Variants in GPT2 observed in about 807,000 individuals in gnomAD.
GPT2 encodes glutamic--pyruvic transaminase 2, also known as alanine aminotransferase 2.
Under a neutral mutation model 56.9 loss-of-function variants are expected in GPT2, and 30 were observed. The observed-to-expected ratio is 0.53, with a 90% CI of 0.39 to 0.72. The LOEUF (loss-of-function observed/expected upper bound fraction) is 0.72, where lower values mean the gene tolerates loss of function less well. Ranked by LOEUF, GPT2 falls within the 30% of genes least tolerant of loss-of-function variation. The pLI is 0.00. For synonymous variants in GPT2, 271 were observed against 283.1 expected (o/e 0.96, Z 0.43); for missense variants, 542 against 703.4 (o/e 0.77, Z 2.60).
chr16:46,884,967 G>T lies in GPT2; in HGVS notation c.243+9G>T. 6.7e-7 allele frequency: 1 copy of T among 1,484,058 alleles called. No homozygotes were observed. The allele number at this position is 1,484,058 out of a possible 1,614,324, so 91.9% of individuals were successfully genotyped here. A position where few individuals can be genotyped will look rare whatever the true frequency, so the allele number is the denominator to read the frequency against. On this transcript the variant is annotated intron_variant, in intron 2 of 11. Transcript: ENST00000340124. ...AGCTCGAGCTGCAGCGGGTGAGCGC[G>T]CGCTGGGCCCCGGGGAGGCTGGGGC...
At chr16:46,911,494 G>C (rs187693049) in intron 6 of GPT2, among the ~76,000 whole-genome samples, 18 of 152,276 alleles carry the variant, frequency 1.2e-4, no homozygotes, top group Non-Finnish European at 2.2e-4. Flanking sequence ...GGAGTGTGGG[G>C]GATAAAGATT....
chr16:46,916,345 C>G (rs1961162230), intron 6 of GPT2: 1 of 245,544 alleles, frequency 4.1e-6, no homozygotes, highest in Non-Finnish European at 8.0e-6. Context: ...GACTCCGTCT[C>G]AAAAAAATTA....
At position 46,929,166 on chromosome 16, in the gene GPT2, C is replaced by T. The variant is rs778036607; in HGVS notation, c.*169C>T. ...TTTCTTTGTGCCTTGATGTTGAGAG[C>T]GCCTCTCTTTTGAGCAAACAAGCAT... On this transcript the variant is annotated 3_prime_UTR_variant, in exon 12 of 12. Transcript: ENST00000340124. 2.8e-4 allele frequency: 173 copies of T among 613,058 alleles called. No individual in the cohort carries two copies. The highest frequency in any genetic ancestry group is 4.0e-4 in the Non-Finnish European group (136 of 341,374). The allele number at this position is 613,058 out of a possible 1,614,324, so 38.0% of individuals were successfully genotyped here. A position where few individuals can be genotyped will look rare whatever the true frequency, so the allele number is the denominator to read the frequency against.
chr16:46,906,147 C>G (rs552038489), intron 4 of GPT2, among the ~76,000 whole-genome samples: 2 of 152,142 alleles, frequency 1.3e-5, no homozygotes, highest in Admixed American at 1.3e-4. Flanking sequence ...CATCATAGCT[C>G]ACCGCAGCCT....
At position 46,926,875 on chromosome 16, in the gene GPT2, G is replaced by A. The variant is rs202117909; in HGVS notation, c.1369-50G>A. 3.4e-4 allele frequency: 421 copies of A among 1,246,944 alleles called. 2 individuals carry two copies. Among genetic ancestry groups the A allele is most frequent in the Middle Eastern group, 3.2e-3 (16 of 5,014 alleles). 77.2% of individuals were successfully genotyped at this position (1,246,944 alleles called of 1,614,324 possible). A position where few individuals can be genotyped will look rare whatever the true frequency, so the allele number is the denominator to read the frequency against. On this transcript the variant is annotated intron_variant, in intron 10 of 11. Coordinates refer to ENST00000340124, the MANE Select transcript of GPT2 (RefSeq NM_133443.4). ...TTACATTTGGCTTTGAGGGTTGAATGGTGTGTTTGCAAAGCCAGGAATGAT... is the reference window on the plus strand; with the variant it reads ...TTACATTTGGCTTTGAGGGTTGAATAGTGTGTTTGCAAAGCCAGGAATGAT...
intron 7 of GPT2, among the ~76,000 whole-genome samples, 173 bp from the exon 8 acceptor site, chr16:46,918,448 C>CTT (rs1961215349): frequency 6.6e-6 from 1 of 152,192 alleles, no homozygotes. Flanking sequence ...TGCCTCCTTG[C>CTT]TTATTCCAGA....
intron 3 of GPT2, among the ~76,000 whole-genome samples, chr16:46,898,931 T>TACAC (rs1443325328): frequency 1.9e-4 from 25 of 132,422 alleles, no homozygotes; most frequent in East Asian, 1.4e-3. Flanking sequence ...TATATATGTG[T>TACAC]ATATATATAC....
intron 4 of GPT2, among the ~76,000 whole-genome samples, chr16:46,906,160 A>G (rs1247971278): frequency 6.6e-6 from 1 of 151,896 alleles, no homozygotes; most frequent in East Asian, 1.9e-4. Context: ...CGCAGCCTCT[A>G]CCTCCTGAGC....
At chr16:46,894,866 T>A (rs1277923798) in intron 2 of GPT2, among the ~76,000 whole-genome samples, 1 of 152,024 alleles carries the variant, frequency 6.6e-6, no homozygotes, top group African/African-American at 2.4e-5. Context: ...GGGGTTTCAC[T>A]GTGTTAGCCA....
At chr16:46,913,803 A>G (rs1267047786) in intron 6 of GPT2, among the ~76,000 whole-genome samples, 1 of 152,180 alleles carries the variant, frequency 6.6e-6, no homozygotes. Flanking sequence ...CTGGGTACAG[A>G]GGCTCATGCC....
chr16:46,910,062 C>CA (rs1961016129), intron 6 of GPT2, 135 bp downstream of exon 6: 1 of 1,252,404 alleles, frequency 8.0e-7, no homozygotes, highest in Non-Finnish European at 1.1e-6. Context: ...AACCTAAAGC[C>CA]ATGAAATTTG....
chr16:46,910,380 CAAAAAAAA>C (rs4039999), intron 6 of GPT2, among the ~76,000 whole-genome samples: 8 of 46,480 alleles, frequency 1.7e-4, no homozygotes, highest in African/African-American at 6.3e-4. Context: ...GACTCTGTCT[CAAAAAAAA>C]AAAAAAAAAA....
intron 2 of GPT2, chr16:46,885,540 C>T (rs1293762949): frequency 1.0e-6 from 1 of 984,998 alleles, no homozygotes; most frequent in Non-Finnish European, 1.2e-6. Context: ...GAGCCTTGGC[C>T]GACCAGCCAC....
Position 46,928,869 on chromosome 16 carries a change from C to G in GPT2, c.1482-38C>G, listed in dbSNP as rs1419720578. The G allele has an allele frequency of 2.7e-6, 4 of 1,500,602 alleles. No homozygotes were observed. In the Admixed American group the frequency reaches 5.0e-5, roughly 19 times the overall value. 93.0% of individuals were successfully genotyped at this position (1,500,602 alleles called of 1,614,324 possible). ...CTGGATTCGTTCCTCTCCCATCTTG[C>G]AGAGCAGCCAGGCTGACACTGTTGT... On this transcript the variant is annotated intron_variant, in intron 11 of 11. Transcript: ENST00000340124.
intron 7 of GPT2, 90 bp from the exon 8 acceptor site, chr16:46,918,531 A>T: frequency 6.8e-7 from 1 of 1,472,366 alleles, no homozygotes; most frequent in Non-Finnish European, 9.3e-7. Flanking sequence ...CTCATGGCCC[A>T]CAGCACCTGT....
At chr16:46,889,245 A>AGT (rs1960540309) in intron 2 of GPT2, among the ~76,000 whole-genome samples, 1 of 60,736 alleles carries the variant, frequency 1.6e-5, no homozygotes, top group South Asian at 8.9e-4. Context: ...CCAGGCTGTT[A>AGT]ATTTTTTTTT....
At chr16:46,928,202 C>T (rs1488746658) in intron 11 of GPT2, among the ~76,000 whole-genome samples, 1 of 151,926 alleles carries the variant, frequency 6.6e-6, no homozygotes, top group Non-Finnish European at 1.5e-5. Flanking sequence ...TTGGCGCATG[C>T]CCGTAATCCT....
chr16:46,922,603 A>G (rs548629212), intron 9 of GPT2, among the ~76,000 whole-genome samples, 187 bp downstream of exon 9: 2 of 152,318 alleles, frequency 1.3e-5, no homozygotes, highest in South Asian at 2.1e-4. Context: ...GCAGCTGGGC[A>G]TTGTTTGGAA....
intron 10 of GPT2, among the ~76,000 whole-genome samples, chr16:46,925,860 G>T (rs1040955978): frequency 5.9e-5 from 9 of 151,926 alleles, no homozygotes; most frequent in African/African-American, 2.2e-4. Context: ...TGGGCCAGGT[G>T]TGGTGGCTCA....
Sources: allele counts gnomAD v4.1 joint callset (sites outside exome capture counted in the v4.1 genomes callset), GRCh38; gene constraint gnomAD v4.1.1; transcripts MANE v1.5; gene names NCBI Gene and HGNC (gene_info 2026-07-23, HGNC 2026-07-21).